BTN2A1: variants seen among roughly 807,000 people sequenced by gnomAD.
The protein encoded by BTN2A1 is butyrophilin subfamily 2 member A1.
Under a neutral mutation model 34.5 loss-of-function variants are expected in BTN2A1, and 41 were observed. That is an observed-to-expected ratio of 1.19 (90% CI 0.93 to 1.54). BTN2A1 has a LOEUF of 1.54. Ranked by LOEUF, BTN2A1 falls within the 40% of genes most tolerant of loss-of-function variation. The pLI is 0.00. For synonymous variants in BTN2A1, 267 were observed against 258.6 expected, an observed-to-expected ratio of 1.03 and a Z score of -0.31; for missense variants, 642 against 662.0, an observed-to-expected ratio of 0.97 and a Z score of 0.33.
chr6:26,471,661 GGAAAGGAA>G (rs1279339903), downstream of BTN2A1, among the ~76,000 whole-genome samples: 7 of 144,276 alleles, frequency 4.9e-5, no homozygotes, highest in Admixed American at 6.7e-5. Context: ...AAGGAAGGAA[GGAAAGGAA>G]GGAAGGAAGG....
downstream of BTN2A1, among the ~76,000 whole-genome samples, chr6:26,473,424 A>G (rs1763483833): frequency 6.6e-6 from 1 of 152,244 alleles, no homozygotes; most frequent in Non-Finnish European, 1.5e-5. Context: ...ATATGCAGTT[A>G]TAGACAGCAC....
Position 26,463,298 on chromosome 6 carries a change from G to A in BTN2A1, c.485G>A (p.Arg162Gln), listed in dbSNP as rs374472452. ...SMRGHEDGGI[R>Q]LECISRGWYP... ...AGGGGCCATGAAGACGGGGGCATCC[G>A]GCTGGAGTGCATATCTAGAGGGTGG... is the stretch of plus-strand genomic sequence containing the variant. Residue 162 changes from arginine to glutamine, a missense_variant, in exon 4 of 8, where the codon CGG becomes CAG. Arg to Gln is a conservative substitution (Grantham distance 43). Coordinates refer to ENST00000312541, the MANE Select transcript of BTN2A1 (RefSeq NM_007049.5). The A allele has an allele frequency of 1.2e-5, 20 of 1,613,710 alleles. No individual in the cohort carries two copies. Among genetic ancestry groups the A allele is most frequent in the African/African-American group, 4.0e-5 (3 of 74,876 alleles).
intron 7 of BTN2A1, among the ~76,000 whole-genome samples, chr6:26,466,365 C>T (rs1042695537): frequency 1.6e-4 from 25 of 152,310 alleles, no homozygotes; most frequent in Admixed American, 1.6e-3. Context: ...ATATAGTAGC[C>T]TTCCTAAGAG....
Position 26,463,353 on chromosome 6 carries a change from C to T in BTN2A1, c.540C>T (p.Asp180=), listed in dbSNP as rs764713439. 3 of 1,614,000 alleles carry T rather than the reference C, an allele frequency of 1.9e-6. No homozygotes were observed. The highest frequency in any genetic ancestry group is 2.5e-6 in the Non-Finnish European group (3 of 1,179,976). Residue 180 remains aspartate (D), a synonymous_variant, in exon 4 of 8, where the codon GAC becomes GAT. Transcript: ENST00000312541. ...WYPKPLTVWR[D]PYGGVAPALK... is the part of the protein sequence containing the mutation. ...CAAAGCCCCTCACAGTGTGGAGGGA[C>T]CCCTACGGTGGGGTTGCGCCTGCCC... is the stretch of plus-strand genomic sequence containing the variant.
At chr6:26,466,188 G>A (rs927575005) in intron 7 of BTN2A1, 100 bp downstream of exon 7, 10 of 1,571,458 alleles carry the variant, frequency 6.4e-6, no homozygotes, top group South Asian at 4.4e-5. Context: ...GGGCAAGGTG[G>A]GGACAGCAGG....
rs746366684 is a variant in BTN2A1, at chr6:26,465,407, G to C, written c.934+1G>C. On this transcript the variant is annotated splice_donor_variant, in intron 5 of 7. Transcript: ENST00000312541. LOFTEE classifies it high-confidence loss of function. Reference sequence around the variant, plus strand: ...AAAGAGGAAGAACTTCAAGTAAAAGGTAAAAGAGGCTGAGTATGGTGGCTC... The same window carrying C: ...AAAGAGGAAGAACTTCAAGTAAAAGCTAAAAGAGGCTGAGTATGGTGGCTC... 5.6e-6 allele frequency: 9 copies of C among 1,613,570 alleles called. No individual in the cohort carries two copies. Among genetic ancestry groups the C allele is most frequent in the Non-Finnish European group, 7.6e-6 (9 of 1,179,752 alleles).
At chr6:26,467,767 A>C (rs918554327) in intron 7 of BTN2A1, 181 bp from the exon 8 acceptor site, 2 of 1,576,038 alleles carry the variant, frequency 1.3e-6, no homozygotes, top group African/African-American at 2.7e-5. Context: ...CTCTGGAGAG[A>C]CAGAAGTGCA....
chr6:26,464,183 A>G (rs1361214929), intron 4 of BTN2A1, among the ~76,000 whole-genome samples: 1 of 152,178 alleles, frequency 6.6e-6, no homozygotes, highest in Non-Finnish European at 1.5e-5. Context: ...GTGTTCCTGT[A>G]TGCTGTAGCC....
rs1763398046 is a variant in BTN2A1, at chr6:26,468,832, G to T, written c.*283G>T. ...AGCCAAGAAGAAAGTGTGAGAAGTT[G>T]ATGGGCAGCAAACCTGCTGTTTAAC... On this transcript the variant is annotated 3_prime_UTR_variant, in exon 8 of 8. Coordinates refer to ENST00000312541, the MANE Select transcript of BTN2A1 (RefSeq NM_007049.5). 1 of 1,536,484 alleles carries T rather than the reference G, an allele frequency of 6.5e-7. No homozygotes were observed. Among genetic ancestry groups the T allele is most frequent in the Non-Finnish European group, 8.8e-7 (1 of 1,135,834 alleles).
rs554426022 is a variant in BTN2A1 at position 26,459,526 on chromosome 6, T to G, written c.128T>G (p.Val43Gly). 1.3e-5 allele frequency: 21 copies of G among 1,613,826 alleles called. No homozygotes were observed. The East Asian group carries it at 4.5e-4, about 34-fold the overall frequency. The change falls in exon 3 of 8, where the codon GTT (valine) becomes GGT (glycine). Residue 43 changes from valine to glycine, a missense_variant. Val to Gly is a moderately radical substitution (Grantham distance 109, BLOSUM62 -3). Transcript: ENST00000312541. ...CCCACTGATCCCATCTTGGCCACGGTTGGAGAAAACACTACGTTACGCTGC... is the reference window on the plus strand; with the variant it reads ...CCCACTGATCCCATCTTGGCCACGGGTGGAGAAAACACTACGTTACGCTGC... Reference protein sequence around the residue: ...VGPTDPILATVGENTTLRCHL... With the variant: ...VGPTDPILATGGENTTLRCHL...
chr6:26,468,438 G>T lies in BTN2A1; in HGVS notation c.1473G>T (p.Gly491=), dbSNP rs770414912. Residue 491 remains glycine, a synonymous_variant, in exon 8 of 8, where the codon GGG becomes GGT. Transcript: ENST00000312541. ...CTGTGAGGCCCTTCTTCAGGTTGGG[G>T]TGTGAGGACAGCCCCATCTTCATCT... The part of the protein sequence containing the change: ...SVPVRPFFRL[G]CEDSPIFICP... The T allele has an allele frequency of 6.2e-7, 1 of 1,614,152 alleles. No individual in the cohort carries two copies. The highest frequency in any genetic ancestry group is 8.5e-7 in the Non-Finnish European group (1 of 1,179,996).
intron 1 of BTN2A1, 97 bp from the exon 2 acceptor site, chr6:26,458,510 G>A: frequency 1.1e-6 from 1 of 935,332 alleles, no homozygotes; most frequent in East Asian, 2.4e-5. Flanking sequence ...CCTGAAGTTG[G>A]GGCACTGATG....
At chr6:26,472,467 C>T (rs1763468522), downstream of BTN2A1, among the ~76,000 whole-genome samples, 1 of 152,184 alleles carries the variant, frequency 6.6e-6, no homozygotes, top group African/African-American at 2.4e-5. Flanking sequence ...TTCTACCAGC[C>T]AAGGTTTCAG....
chr6:26,460,336 T>G (rs1160577701), intron 3 of BTN2A1, among the ~76,000 whole-genome samples: 1 of 152,186 alleles, frequency 6.6e-6, no homozygotes, highest in Non-Finnish European at 1.5e-5. Context: ...AAATCTTATT[T>G]CTTGATAAAT....
chr6:26,475,972 G>C, intron 7 of BTN2A1: 1 of 702,168 alleles, frequency 1.4e-6, no homozygotes. Flanking sequence ...TGATTTCCTG[G>C]GCTAAATTCC....
In BTN2A1 at chr6:26,468,671, A is replaced by T; in HGVS notation, c.*122A>T. On this transcript the variant is annotated 3_prime_UTR_variant, in exon 8 of 8. Transcript: ENST00000312541. ...CTGGTCACACAAGAGAACATCTTCC[A>T]GCTGCCTCTTTCACACCCACTACAG... 7 of 1,613,618 alleles carry T rather than the reference A, an allele frequency of 4.3e-6. No homozygotes were observed. The highest frequency in any genetic ancestry group is 5.9e-6 in the Non-Finnish European group (7 of 1,180,000).
chr6:26,464,611 C>T (rs1011294279), intron 4 of BTN2A1, among the ~76,000 whole-genome samples: 1 of 152,122 alleles, frequency 6.6e-6, no homozygotes, highest in Admixed American at 6.6e-5. Context: ...GAAGGAACAT[C>T]TCTGGCAGTT....
rs769152472 is a variant in BTN2A1, at chr6:26,459,767, C to A, written c.369C>A (p.Tyr123Ter). The A allele has an allele frequency of 6.2e-7, 1 of 1,614,158 alleles. No individual in the cohort carries two copies. Among genetic ancestry groups the A allele is most frequent in the East Asian group, 2.2e-5 (1 of 44,882 alleles). The part of the protein sequence containing the change: ...HNITAQENGT[Y>*]RCYFQEGRSY... ...TCACAGCCCAGGAAAACGGCACCTA[C>A]CGCTGTTACTTCCAAGAAGGCAGGT... The change falls in exon 3 of 8, where the codon TAC (tyrosine) becomes TAA (stop). Residue 123 changes from tyrosine to a stop codon, truncating the protein, a stop_gained. Coordinates refer to ENST00000312541, the MANE Select transcript of BTN2A1 (RefSeq NM_007049.5). LOFTEE classifies it high-confidence loss of function.
At chr6:26,471,526 G>A (rs1581679331), downstream of BTN2A1, among the ~76,000 whole-genome samples, 1 of 152,194 alleles carries the variant, frequency 6.6e-6, no homozygotes, top group African/African-American at 2.4e-5. Flanking sequence ...TGAGGAGTTC[G>A]TGAACAGCCT....
Sources: gnomAD v4.1 joint callset for allele counts (sites outside exome capture counted in the v4.1 genomes callset) on GRCh38, gnomAD v4.1.1 for gene constraint, MANE v1.5 for transcripts, NCBI Gene and HGNC (gene_info 2026-07-23, HGNC 2026-07-21) for gene names.